CRYL1: variants seen among roughly 807,000 people sequenced by gnomAD.
The protein encoded by CRYL1 is crystallin lambda 1, also known as lambda-crystallin homolog.
CRYL1 carries 29 observed loss-of-function variants against 36.6 expected under a neutral mutation model. That is an observed-to-expected ratio of 0.79 (90% CI 0.59 to 1.08). The LOEUF (loss-of-function observed/expected upper bound fraction) is 1.08. Ranked by LOEUF, CRYL1 falls within the 50% of genes least tolerant of loss-of-function variation. CRYL1 has a pLI of 0.00. For missense variants in CRYL1, 411 were observed against 407.9 expected (o/e 1.01, Z -0.06); for synonymous variants, 152 against 151.5 (o/e 1.00, Z -0.02).
chr13:20,412,283 A>G (rs1218198297), intron 6 of CRYL1, among the ~76,000 whole-genome samples: 1 of 152,140 alleles, frequency 6.6e-6, no homozygotes, highest in Non-Finnish European at 1.5e-5. Context: ...ACCGAGAGAC[A>G]TACGAGAGAC....
chr13:20,508,510 C>G (rs547468885), intron 2 of CRYL1, among the ~76,000 whole-genome samples: 14 of 151,968 alleles, frequency 9.2e-5, no homozygotes, highest in African/African-American at 3.4e-4. Flanking sequence ...TCCATAAAAC[C>G]AAATATTAAG....
intron 2 of CRYL1, among the ~76,000 whole-genome samples, chr13:20,503,799 G>C (rs1330352217): frequency 6.6e-6 from 1 of 152,180 alleles, no homozygotes; most frequent in Non-Finnish European, 1.5e-5. Flanking sequence ...GATTAGGCCA[G>C]GGCAGAGACC....
intron 3 of CRYL1, among the ~76,000 whole-genome samples, chr13:20,468,503 A>G (rs2032988082): frequency 6.6e-6 from 1 of 152,252 alleles, no homozygotes; most frequent in Admixed American, 6.5e-5. Context: ...CAGTGACCAC[A>G]GTGGGATTCA....
At position 20,460,577 on chromosome 13, in the gene CRYL1, G is replaced by A. The variant is rs368538429; in HGVS notation, c.277-20823C>T. On this transcript the variant is annotated intron_variant, in intron 3 of 7. Transcript: ENST00000298248. ...GTCTCGCTCTGTCGCCCAGGCTGGA[G>A]TGCAGTGGCGCTATCTCGGCTCACT... Among the ~76,000 whole-genome samples the A allele has an allele frequency of 2.9e-5, 4 of 138,090 alleles. No homozygotes were observed. In the East Asian group the frequency reaches 6.7e-4, roughly 23 times the overall value. The allele number at this position is 138,090 out of a possible 152,430, so 90.6% of individuals were successfully genotyped here.
intron 2 of CRYL1, among the ~76,000 whole-genome samples, chr13:20,499,320 T>A (rs1210776566): frequency 7.5e-6 from 1 of 133,724 alleles, no homozygotes; most frequent in Non-Finnish European, 1.5e-5. Context: ...CACTCCAGCC[T>A]GGGCAACAGA....
At position 20,525,694 on chromosome 13, in the gene CRYL1, AC is replaced by A; in HGVS notation, c.41+59del. 1 of 1,298,430 alleles carries A rather than the reference AC, an allele frequency of 7.7e-7. No homozygotes were observed. Among genetic ancestry groups the A allele is most frequent in the Non-Finnish European group, 9.9e-7 (1 of 1,013,418 alleles). 80.4% of individuals were successfully genotyped at this position (1,298,430 alleles called of 1,614,324 possible). A position where few individuals can be genotyped will look rare whatever the true frequency, so the allele number is the denominator to read the frequency against. On this transcript the variant is annotated intron_variant, in intron 1 of 7. Coordinates refer to ENST00000298248, the MANE Select transcript of CRYL1 (RefSeq NM_015974.3). The surrounding 1 kb of genome is among the most constrained non-coding windows in gnomAD (Gnocchi z 4.3). ...CACCCCGAGGGCCCCACGCGAGGGC[AC>A]CACGTCCCCGGCGTCTCCCCGGGCT...
In CRYL1 at chr13:20,525,352, T is replaced by C. The variant is rs551417586; in HGVS notation, c.41+402A>G. Among the ~76,000 whole-genome samples the C allele has an allele frequency of 7.7e-4, 118 of 152,330 alleles. No individual in the cohort carries two copies. Among genetic ancestry groups the C allele is most frequent in the African/African-American group, 2.8e-3 (116 of 41,568 alleles). ...AGTATTCTCATTCGTAAAATGGGGA[T>C]GAGAACACAGTCGTCGCAGGATCGC... On this transcript the variant is annotated intron_variant, in intron 1 of 7. Coordinates refer to ENST00000298248, the MANE Select transcript of CRYL1 (RefSeq NM_015974.3). This position sits in a 1 kb window ranked among gnomAD's most constrained non-coding sequence, Gnocchi z 4.3.
At chr13:20,410,283 C>CA (rs1477869977) in intron 6 of CRYL1, among the ~76,000 whole-genome samples, 1 of 147,854 alleles carries the variant, frequency 6.8e-6, no homozygotes, top group Non-Finnish European at 1.5e-5. Flanking sequence ...ATCGCAAGAA[C>CA]AAAAAAACCC....
At chr13:20,436,203 C>A (rs1024952930) in intron 4 of CRYL1, among the ~76,000 whole-genome samples, 4 of 152,210 alleles carry the variant, frequency 2.6e-5, no homozygotes, top group African/African-American at 9.6e-5. Context: ...AGCCGCGGCC[C>A]CCTTCCCAAG....
At chr13:20,404,336 ACTGCTTT>A in intron 7 of CRYL1, 94 bp from the exon 8 acceptor site, 1 of 841,290 alleles carries the variant, frequency 1.2e-6, no homozygotes, top group Non-Finnish European at 1.9e-6. Context: ...CTGTGCAGAA[ACTGCTTT>A]CAAAGACAAA....
In CRYL1 at chr13:20,490,912, GT is replaced by G. The variant is rs371341231; in HGVS notation, c.150-1417del. On this transcript the variant is annotated intron_variant, in intron 2 of 7. Coordinates refer to ENST00000298248, the MANE Select transcript of CRYL1 (RefSeq NM_015974.3). ...TTGTTTTGATTTGATTTTTTGCTTTGTTTTGTTTTTTGAGACAGGATCCTGC... is the reference window on the plus strand; with the variant it reads ...TTGTTTTGATTTGATTTTTTGCTTTGTTTGTTTTTTGAGACAGGATCCTGC... 8.6e-3 allele frequency among the ~76,000 whole-genome samples: 1,301 copies of G among 152,140 alleles called. 12 individuals carry two copies. Among genetic ancestry groups the G allele is most frequent in the African/African-American group, 0.022 (898 of 41,512 alleles).
rs183806392 is a variant in CRYL1, at chr13:20,425,347, C to T, written c.633+6755G>A. On this transcript the variant is annotated intron_variant, in intron 5 of 7. Transcript: ENST00000298248. This position sits in a 1 kb window ranked among gnomAD's most constrained non-coding sequence, Gnocchi z 4.4. ...TTGGAGTGCCCGCTTTGTGCTGATT[C>T]TCTTCCAGAGTCGACATCTGAATAA... Among the ~76,000 whole-genome samples, 1 of 152,358 alleles carries T rather than the reference C, an allele frequency of 6.6e-6. No individual in the cohort carries two copies. The highest frequency in any genetic ancestry group is 1.9e-4 in the East Asian group (1 of 5,180).
At chr13:20,513,827 G>A (rs962226912) in intron 1 of CRYL1, 2 of 150,792 alleles carry the variant, frequency 1.3e-5, no homozygotes, top group African/African-American at 4.9e-5. Context: ...ACTCCCTGGA[G>A]AAATGGCTAA....
At chr13:20,451,738 A>G (rs1299975611) in intron 3 of CRYL1, among the ~76,000 whole-genome samples, 1 of 152,330 alleles carries the variant, frequency 6.6e-6, no homozygotes, top group South Asian at 2.1e-4. Flanking sequence ...TTTCTCAAAG[A>G]ACTTAAAACA....
intron 5 of CRYL1, among the ~76,000 whole-genome samples, chr13:20,417,470 C>A (rs2031699845): frequency 6.6e-6 from 1 of 152,158 alleles, no homozygotes; most frequent in Admixed American, 6.5e-5. Flanking sequence ...TAACATTGAT[C>A]AGTTTAGCAA....
intron 1 of CRYL1, among the ~76,000 whole-genome samples, chr13:20,519,781 A>G (rs2034063702): frequency 6.6e-6 from 1 of 152,234 alleles, no homozygotes; most frequent in East Asian, 1.9e-4. Context: ...GACTAAATAT[A>G]ACATGTGGGC....
At chr13:20,463,891 G>A (rs921705519) in intron 3 of CRYL1, among the ~76,000 whole-genome samples, 1 of 152,124 alleles carries the variant, frequency 6.6e-6, no homozygotes, top group African/African-American at 2.4e-5. Flanking sequence ...GCCTGTCTAC[G>A]TCCATGCAGA....
At chr13:20,404,291 A>G (rs2031307511) in intron 7 of CRYL1, 49 bp from the exon 8 acceptor site, 1 of 1,253,574 alleles carries the variant, frequency 8.0e-7, no homozygotes, top group Non-Finnish European at 1.2e-6. Flanking sequence ...GAAATAATTT[A>G]TCAAGAGTGT....
chr13:20,512,147 C>A (rs1370920484), intron 2 of CRYL1, among the ~76,000 whole-genome samples: 1 of 152,222 alleles, frequency 6.6e-6, no homozygotes, highest in Non-Finnish European at 1.5e-5. Flanking sequence ...AAGCAGGAAA[C>A]CCCAGCCCTC....
Sources: allele counts gnomAD v4.1 joint callset (sites outside exome capture counted in the v4.1 genomes callset), GRCh38; gene constraint gnomAD v4.1.1; non-coding constraint Gnocchi (gnomAD v3.1); transcripts MANE v1.5; gene names NCBI Gene and HGNC (gene_info 2026-07-23, HGNC 2026-07-21).